ABR: variants seen among roughly 807,000 people sequenced by gnomAD.
The protein encoded by ABR is active breakpoint cluster region-related protein.
ABR carries 35 observed loss-of-function variants against 107.2 expected under a neutral mutation model. The ratio of observed to expected loss-of-function variants is 0.33; its 90% confidence interval spans 0.25 to 0.43. ABR has a LOEUF of 0.43. Among genes scored for constraint, ABR ranks in the 20% least tolerant of loss-of-function variants. The pLI is 1.00. For missense variants in ABR, 815 were observed against 1,115.2 expected (o/e 0.73, Z 3.83); for synonymous variants, 498 against 462.0 (o/e 1.08, Z -1.00).
At chr17:1,186,632 C>A (rs2042304253) in intron 1 of ABR, among the ~76,000 whole-genome samples, 4 of 152,210 alleles carry the variant, frequency 2.6e-5, no homozygotes, top group Admixed American at 2.6e-4. Context: ...AGATTATGCA[C>A]TCCCCGAGCC....
At position 1,078,664 on chromosome 17, in the gene ABR, C is replaced by T. The variant is rs893280699; in HGVS notation, c.700+666G>A. The T allele has an allele frequency of 4.2e-5, 34 of 813,030 alleles. No individual in the cohort carries two copies. The highest frequency in any genetic ancestry group is 1.6e-4 in the African/African-American group (9 of 57,824). 50.4% of individuals were successfully genotyped at this position (813,030 alleles called of 1,614,324 possible). Reference sequence around the variant, plus strand: ...CAGGTTTCAACTCTAGGCTGGATGCCGCCAAAACGAAGGGGGAATTCAGGT... The same window carrying T: ...CAGGTTTCAACTCTAGGCTGGATGCTGCCAAAACGAAGGGGGAATTCAGGT... On this transcript the variant is annotated intron_variant, in intron 6 of 22. Transcript: ENST00000302538. This position sits in a 1 kb window ranked among gnomAD's most constrained non-coding sequence, Gnocchi z 7.5.
chr17:1,125,475 G>T, intron 1 of ABR, 108 bp from the exon 2 acceptor site: 1 of 1,347,636 alleles, frequency 7.4e-7, no homozygotes, highest in Non-Finnish European at 1.0e-6. Flanking sequence ...GGCCCCGGCC[G>T]CACCATCCAC....
chr17:1,069,969 C>T lies in ABR; in HGVS notation c.1016G>A (p.Gly339Glu). Residue 339 changes from glycine (G) to glutamate (E), a missense_variant and splice_region_variant, in exon 9 of 23, where the codon GGG becomes GAG. This residue lies in a region of ABR where 385 missense variants were observed against 596.9 expected (regional missense o/e 0.64). Coordinates refer to ENST00000302538, the MANE Select transcript of ABR (RefSeq NM_021962.5). Reference sequence around the variant, plus strand: ...CGTGCCCCTGGACTCACACACTCACCCTGCAGAGGTCTTCTTCAGCTTGGC... The same window carrying T: ...CGTGCCCCTGGACTCACACACTCACTCTGCAGAGGTCTTCTTCAGCTTGGC... ...LCAKLKKTSA[G>E]KHQQYDCKWY... The T allele has an allele frequency of 1.2e-6, 2 of 1,611,518 alleles. No individual in the cohort carries two copies. Among genetic ancestry groups the T allele is most frequent in the South Asian group, 1.1e-5 (1 of 90,932 alleles).
chr17:1,098,553 A>G (rs531368181), intron 3 of ABR, among the ~76,000 whole-genome samples: 37 of 152,278 alleles, frequency 2.4e-4, no homozygotes, highest in African/African-American at 8.2e-4. Flanking sequence ...AACCCACTGT[A>G]CTGGTTTCAC....
chr17:1,051,271 C>T lies in ABR; in HGVS notation c.1562-637G>A, dbSNP rs111799148. ...CGTGCGTCCCTAGTCTCTCTCCCCC[C>T]ACGACGTAAACACCATGTGGAGAGA... On this transcript the variant is annotated intron_variant, in intron 14 of 22. Transcript: ENST00000302538. The surrounding 1 kb of genome is among the most constrained non-coding windows in gnomAD (Gnocchi z 4.3). 5.9e-5 allele frequency among the ~76,000 whole-genome samples: 9 copies of T among 152,180 alleles called. No homozygotes were observed. The highest frequency in any genetic ancestry group is 2.1e-4 in the South Asian group (1 of 4,832).
intron 2 of ABR, among the ~76,000 whole-genome samples, chr17:1,121,200 G>A (rs1418804165): frequency 6.6e-6 from 1 of 152,230 alleles, no homozygotes; most frequent in Non-Finnish European, 1.5e-5. Flanking sequence ...AGAAGACAAA[G>A]GCAGAGTGCA....
chr17:1,109,660 T>G (rs2038538358), intron 2 of ABR, among the ~76,000 whole-genome samples: 1 of 151,456 alleles, frequency 6.6e-6, no homozygotes, highest in Admixed American at 6.5e-5. Context: ...GGAGTCCCCA[T>G]GCGCCGGAGC....
intron 16 of ABR, among the ~76,000 whole-genome samples, chr17:1,022,121 A>AAAAAAAAAAAAAAAAAC (rs2071733854): frequency 2.5e-5 from 2 of 80,852 alleles, no homozygotes; most frequent in Non-Finnish European, 4.4e-5. Flanking sequence ...AAAAAAAAAA[A>AAAAAAAAAAAAAAAAAC]AAAACAGAAA....
chr17:1,058,943 C>T, intron 10 of ABR, 76 bp from the exon 11 acceptor site: 7 of 1,568,772 alleles, frequency 4.5e-6, no homozygotes, highest in Non-Finnish European at 6.1e-6. Context: ...CACGACACTC[C>T]ACTGTGTGTT....
At position 1,070,109 on chromosome 17, in the gene ABR, C is replaced by G. The variant is rs1368182116; in HGVS notation, c.895-19G>C. The G allele has an allele frequency of 6.2e-7, 1 of 1,612,986 alleles. No homozygotes were observed. Among genetic ancestry groups the G allele is most frequent in the East Asian group, 2.2e-5 (1 of 44,798 alleles). On this transcript the variant is annotated intron_variant, in intron 8 of 22. Coordinates refer to ENST00000302538, the MANE Select transcript of ABR (RefSeq NM_021962.5). The surrounding 1 kb of genome is among the most constrained non-coding windows in gnomAD (Gnocchi z 4.2). The stretch of plus-strand genomic sequence containing the variant: ...GTCGCGTCTGAGGGAGATGGCAGAC[C>G]CCCCAGCCTGCTCAGAGGGGAATGC...
At chr17:1,220,090 C>T (rs1465527290) in intron 1 of ABR, among the ~76,000 whole-genome samples, 1 of 151,484 alleles carries the variant, frequency 6.6e-6, no homozygotes, top group African/African-American at 2.4e-5. Flanking sequence ...AGGAGATCGA[C>T]ACCAGCCTGG....
chr17:1,199,990 T>A (rs937628394), intron 1 of ABR, among the ~76,000 whole-genome samples: 4 of 151,828 alleles, frequency 2.6e-5, no homozygotes, highest in African/African-American at 9.7e-5. Context: ...CTGTTACATA[T>A]GTATACATGT....
At chr17:1,012,367 C>T (rs897908140) in intron 18 of ABR, 92 of 650,668 alleles carry the variant, frequency 1.4e-4, no homozygotes, top group Non-Finnish European at 2.2e-4. Context: ...TGCCCTTTCC[C>T]GAGGGGCCGC....
rs184561486 is a variant in ABR at position 1,026,271 on chromosome 17, C to T, written c.1792-13107G>A. On this transcript the variant is annotated intron_variant, in intron 16 of 22. Transcript: ENST00000302538. Reference sequence around the variant, plus strand: ...AAAAATGGGAAACCTTGACTCCCACCGGCCTGGCGCCCTGTCTTCTCTGGC... The same window carrying T: ...AAAAATGGGAAACCTTGACTCCCACTGGCCTGGCGCCCTGTCTTCTCTGGC... 2.8e-3 allele frequency among the ~76,000 whole-genome samples: 431 copies of T among 152,350 alleles called. 8 individuals carry two copies. Among genetic ancestry groups the T allele is most frequent in the Admixed American group, 3.1e-3 (48 of 15,312 alleles).
intron 16 of ABR, among the ~76,000 whole-genome samples, chr17:1,020,120 G>C (rs368879617): frequency 3.3e-5 from 5 of 151,946 alleles, no homozygotes; most frequent in African/African-American, 1.2e-4. Context: ...GTCGCACTCT[G>C]TCGCCCAGGC....
Position 1,078,214 on chromosome 17 carries a change from T to TG in ABR, c.700+1115dup, listed in dbSNP as rs915604791. On this transcript the variant is annotated intron_variant, in intron 6 of 22. Coordinates refer to ENST00000302538, the MANE Select transcript of ABR (RefSeq NM_021962.5). This position sits in a 1 kb window ranked among gnomAD's most constrained non-coding sequence, Gnocchi z 7.5. ...CACAGTTGAGGGCCCAGACCTCGGC[T>TG]GGGGGTCTCTCACGGCTGGAAACAA... Among the ~76,000 whole-genome samples the TG allele has an allele frequency of 2.6e-5, 4 of 152,188 alleles. No homozygotes were observed. The highest frequency in any genetic ancestry group is 1.3e-4 in the Admixed American group (2 of 15,292).
chr17:1,114,429 C>G (rs1329575026), intron 2 of ABR, among the ~76,000 whole-genome samples: 1 of 145,356 alleles, frequency 6.9e-6, no homozygotes, highest in African/African-American at 2.6e-5. Context: ...GAGATCACAC[C>G]ACTGCACTCT....
chr17:1,220,242 G>T (rs2043094178), intron 1 of ABR, among the ~76,000 whole-genome samples: 1 of 151,458 alleles, frequency 6.6e-6, no homozygotes, highest in South Asian at 2.1e-4. Flanking sequence ...AGTGAACCAA[G>T]ATCACACCAC....
Position 1,108,814 on chromosome 17 carries a change from C to CCTCGCGGACTCCGCCGGGACCCTCGCGGA in ABR, c.247-8080_247-8079insTCCGCGAGGGTCCCGGCGGAGTCCGCGAG, listed in dbSNP as rs11281722. On this transcript the variant is annotated intron_variant, in intron 2 of 22. Transcript: ENST00000302538. ...CGGGAACAGCTGCCGGGGCCGGGAC[C>CCTCGCGGACTCCGCCGGGACCCTCGCGGA]CTCCGCCGAGGGCTTCCACCCGGCC... 1.6e-5 allele frequency: 20 copies of CCTCGCGGACTCCGCCGGGACCCTCGCGGA among 1,227,402 alleles called. No individual in the cohort carries two copies. The African/African-American group carries it at 3.1e-4, about 19-fold the overall frequency. The allele number at this position is 1,227,402 out of a possible 1,614,324, so 76.0% of individuals were successfully genotyped here. A position where few individuals can be genotyped will look rare whatever the true frequency, so the allele number is the denominator to read the frequency against.
Sources: gnomAD v4.1 joint callset for allele counts (sites outside exome capture counted in the v4.1 genomes callset) on GRCh38, gnomAD v4.1.1 for gene constraint, gnomAD v4.1.1 regional missense constraint, Gnocchi (gnomAD v3.1) non-coding constraint, MANE v1.5 for transcripts, NCBI Gene and HGNC (gene_info 2026-07-23, HGNC 2026-07-21) for gene names.